TAMM41: variants seen among roughly 807,000 people sequenced by gnomAD.
TAMM41 encodes the protein TAM41 mitochondrial translocator assembly and maintenance homolog.
In TAMM41, 36 loss-of-function variants were observed where a neutral mutation model predicts 44.1. The observed-to-expected ratio is 0.82, with a 90% CI of 0.63 to 1.08. TAMM41 has a LOEUF of 1.08. Among genes scored for constraint, TAMM41 ranks in the 50% least tolerant of loss-of-function variants. The pLI is 0.00. For missense variants in TAMM41, 417 were observed against 404.3 expected, an observed-to-expected ratio of 1.03 and a Z score of -0.27; for synonymous variants, 164 against 153.1, an observed-to-expected ratio of 1.07 and a Z score of -0.53.
the TAMM41 span, among the ~76,000 whole-genome samples, chr3:11,759,642 C>T: frequency 6.6e-6 from 1 of 152,010 alleles, no homozygotes; most frequent in Non-Finnish European, 1.5e-5. Flanking sequence ...CAGGTTTTAG[C>T]GTCTAGATGA....
the TAMM41 span, among the ~76,000 whole-genome samples, chr3:11,773,340 T>C: frequency 6.6e-6 from 1 of 151,452 alleles, no homozygotes; most frequent in African/African-American, 2.4e-5. Context: ...AGCTAGTTAA[T>C]GACTAGCACT....
At chr3:11,764,146 G>A in the TAMM41 span, among the ~76,000 whole-genome samples, 1 of 152,044 alleles carries the variant, frequency 6.6e-6, no homozygotes, top group South Asian at 2.1e-4. Flanking sequence ...TTGGACTACA[G>A]GTGCACGCCA....
the TAMM41 span, among the ~76,000 whole-genome samples, chr3:11,724,497 C>G: frequency 6.6e-6 from 1 of 151,924 alleles, no homozygotes; most frequent in Non-Finnish European, 1.5e-5. Context: ...CTCACTGCAA[C>G]CTCCACCTCC....
the TAMM41 span, among the ~76,000 whole-genome samples, chr3:11,748,568 G>A: frequency 7.9e-4 from 119 of 151,496 alleles, no homozygotes; most frequent in African/African-American, 2.7e-3. Context: ...TAGTAGAGAC[G>A]GGGGTTCACC....
chr3:11,829,940 G>T, intron 3 of TAMM41, 76 bp from the exon 4 acceptor site: 2 of 1,414,982 alleles, frequency 1.4e-6, no homozygotes, highest in African/African-American at 1.4e-5. Context: ...AAATGCACTG[G>T]AACTATCTCA....
At chr3:11,809,355 T>C (rs1004438495) in intron 6 of TAMM41, 162 bp downstream of exon 6, 37 of 720,874 alleles carry the variant, frequency 5.1e-5, no homozygotes, top group Non-Finnish European at 7.6e-5. Flanking sequence ...CAAATAAAAA[T>C]GCAGATTTAG....
At chr3:11,738,843 A>G in the TAMM41 span, among the ~76,000 whole-genome samples, 13 of 152,192 alleles carry the variant, frequency 8.5e-5, no homozygotes, top group Admixed American at 8.5e-4. Flanking sequence ...GGCACCCAGC[A>G]GCCTGTGTTT....
the TAMM41 span, among the ~76,000 whole-genome samples, chr3:11,770,393 CCCTT>C: frequency 6.6e-5 from 10 of 152,166 alleles, no homozygotes; most frequent in Non-Finnish European, 1.3e-4. Context: ...CTGTCCAAGC[CCCTT>C]CCCCTTGCTG....
the TAMM41 span, among the ~76,000 whole-genome samples, chr3:11,758,198 CA>C: frequency 6.6e-6 from 1 of 152,186 alleles, no homozygotes; most frequent in Admixed American, 6.6e-5. Flanking sequence ...GCCCGCATCT[CA>C]AGGTAAGCGG....
At chr3:11,773,838 C>T in the TAMM41 span, among the ~76,000 whole-genome samples, 1 of 152,124 alleles carries the variant, frequency 6.6e-6, no homozygotes, top group Non-Finnish European at 1.5e-5. Context: ...CCTGTAATCC[C>T]AGCACTTTGG....
chr3:11,776,975 C>T, the TAMM41 span, among the ~76,000 whole-genome samples: 49 of 152,282 alleles, frequency 3.2e-4, no homozygotes, highest in African/African-American at 1.1e-3. Flanking sequence ...ACAGTAGAAT[C>T]GTAGTTCCTA....
chr3:11,764,448 G>C, the TAMM41 span, among the ~76,000 whole-genome samples: 3 of 150,352 alleles, frequency 2.0e-5, no homozygotes, highest in African/African-American at 7.4e-5. Context: ...TGAAGGCCCA[G>C]GGTAACCAGC....
intron 7 of TAMM41, among the ~76,000 whole-genome samples, chr3:11,793,221 T>C (rs1279132944): frequency 6.6e-6 from 1 of 152,036 alleles, no homozygotes; most frequent in South Asian, 2.1e-4. Flanking sequence ...AAGACTAGAA[T>C]AGACGCTTCA....
the TAMM41 span, among the ~76,000 whole-genome samples, chr3:11,767,708 C>G: frequency 7.3e-6 from 1 of 136,822 alleles, no homozygotes; most frequent in South Asian, 2.5e-4. Context: ...TCACTGCAAC[C>G]TCCGCCTCCC....
the TAMM41 span, among the ~76,000 whole-genome samples, chr3:11,730,757 AC>A: frequency 6.6e-6 from 1 of 152,154 alleles, no homozygotes; most frequent in Non-Finnish European, 1.5e-5. Flanking sequence ...AAAATGAAAA[AC>A]AAAAAGAAAA....
intron 5 of TAMM41, among the ~76,000 whole-genome samples, chr3:11,813,024 G>A (rs1423015453): frequency 6.6e-6 from 1 of 152,162 alleles, no homozygotes; most frequent in Non-Finnish European, 1.5e-5. Context: ...AAACTGATGC[G>A]AAACTAGATC....
chr3:11,799,913 A>G (rs1379077321), intron 7 of TAMM41, among the ~76,000 whole-genome samples: 1 of 152,212 alleles, frequency 6.6e-6, no homozygotes, highest in Non-Finnish European at 1.5e-5. Flanking sequence ...GAAACCTTAA[A>G]GGCCAGAAGA....
chr3:11,794,579 G>T (rs1347226789), intron 7 of TAMM41, among the ~76,000 whole-genome samples: 1 of 151,970 alleles, frequency 6.6e-6, no homozygotes, highest in Non-Finnish European at 1.5e-5. Flanking sequence ...TAGTCATTAT[G>T]AATTCTGGTT....
chr3:11,842,539 C>A (rs572979424), intron 2 of TAMM41, among the ~76,000 whole-genome samples: 1 of 151,522 alleles, frequency 6.6e-6, no homozygotes, highest in South Asian at 2.1e-4. Context: ...ACAAAAAATA[C>A]AACAATTAGC....
Sources: allele counts gnomAD v4.1 joint callset (sites outside exome capture counted in the v4.1 genomes callset), GRCh38; gene constraint gnomAD v4.1.1; transcripts MANE v1.5; gene names NCBI Gene and HGNC (gene_info 2026-07-23, HGNC 2026-07-21).